Variants in KTN1 observed in about 807,000 individuals in gnomAD.
KTN1 encodes the protein kinectin 1.
A neutral mutation model predicts 222.5 loss-of-function variants in KTN1; 130 were observed. The observed-to-expected ratio is 0.58, with a 90% confidence interval of 0.51 to 0.68. The LOEUF is 0.68. Ranked by LOEUF, KTN1 falls within the 30% of genes least tolerant of loss-of-function variation. The probability of loss-of-function intolerance (pLI) is 0.00; values close to 1 mark genes in which losing one functional copy is unlikely to be tolerated. For missense variants in KTN1, 1,508 were observed against 1,500.4 expected, an observed-to-expected ratio of 1.01 and a Z score of -0.08; for synonymous variants, 512 against 496.3, an observed-to-expected ratio of 1.03 and a Z score of -0.42.
At chr14:55,598,740 G>A (rs2035487947) in intron 1 of KTN1, among the ~76,000 whole-genome samples, 1 of 152,174 alleles carries the variant, frequency 6.6e-6, no homozygotes, top group African/African-American at 2.4e-5. Flanking sequence ...TAAGTACTAT[G>A]TAAGTCTAAA....
chr14:55,599,505 C>T (rs1287336458), intron 1 of KTN1, among the ~76,000 whole-genome samples: 1 of 151,734 alleles, frequency 6.6e-6, no homozygotes, highest in African/African-American at 2.4e-5. Context: ...CGTTCTGTTG[C>T]CCAGGGCGGA....
At chr14:55,630,119 A>C in intron 7 of KTN1, 22 bp downstream of exon 7, 1 of 1,606,296 alleles carries the variant, frequency 6.2e-7, no homozygotes, top group Non-Finnish European at 8.5e-7. Context: ...TTCTTTGGAA[A>C]CAAGATGAAA....
intron 41 of KTN1, among the ~76,000 whole-genome samples, chr14:55,677,699 T>C (rs1479177287): frequency 6.6e-6 from 1 of 152,096 alleles, no homozygotes; most frequent in Non-Finnish European, 1.5e-5. Context: ...AACCCTTTAT[T>C]TTATTATATA....
intron 40 of KTN1, chr14:55,674,524 C>G (rs1176342901): frequency 1.3e-5 from 2 of 152,144 alleles, no homozygotes; most frequent in Non-Finnish European, 2.9e-5. Context: ...TGAACTCATT[C>G]ACCCTGCATT....
At chr14:55,669,849 G>T (rs2045286871) in intron 34 of KTN1, among the ~76,000 whole-genome samples, 1 of 151,962 alleles carries the variant, frequency 6.6e-6, no homozygotes, top group South Asian at 2.1e-4. Context: ...AGTTTCCAGA[G>T]AATCCTGATT....
At chr14:55,638,352 C>G (rs561992609) in intron 12 of KTN1, among the ~76,000 whole-genome samples, 1 of 151,914 alleles carries the variant, frequency 6.6e-6, no homozygotes, top group South Asian at 2.1e-4. Context: ...TTTGATGTGA[C>G]ATACATGTCT....
chr14:55,592,044 T>C (rs76918910), intron 1 of KTN1, among the ~76,000 whole-genome samples: 11,689 of 152,306 alleles, frequency 0.077, 500 homozygotes, highest in South Asian at 0.11. Context: ...GTTATAAATG[T>C]CTTCCTACTT....
intron 7 of KTN1, among the ~76,000 whole-genome samples, chr14:55,631,341 G>GATTTATATAT (rs1555371423): frequency 1.7e-5 from 2 of 114,718 alleles, no homozygotes; most frequent in Non-Finnish European, 3.5e-5. Context: ...TGATAAGGTT[G>GATTTATATAT]ATATATATAT....
In KTN1 at chr14:55,652,838, A is replaced by AT. The variant is rs760749972; in HGVS notation, c.2604-9dup. ...ACATTTTCATTTAGAGTTCTGATTA[A>AT]TTTATTATCAGATTAAAAGGAAAAG... On this transcript the variant is annotated splice_polypyrimidine_tract_variant and intron_variant, in intron 25 of 43. Coordinates refer to ENST00000395314, the MANE Select transcript of KTN1 (RefSeq NM_001079521.2). 1 of 1,528,592 alleles carries AT rather than the reference A, an allele frequency of 6.5e-7. No individual in the cohort carries two copies. Among genetic ancestry groups the AT allele is most frequent in the Non-Finnish European group, 8.9e-7 (1 of 1,120,524 alleles). 94.7% of individuals were successfully genotyped at this position (1,528,592 alleles called of 1,614,324 possible).
intron 5 of KTN1, among the ~76,000 whole-genome samples, chr14:55,626,308 C>T (rs1286549814): frequency 2.6e-5 from 4 of 152,026 alleles, no homozygotes; most frequent in Non-Finnish European, 4.4e-5. Flanking sequence ...GTGTTTACAG[C>T]GGCATGTGCT....
intron 28 of KTN1, among the ~76,000 whole-genome samples, chr14:55,654,275 T>C (rs902614820): frequency 2.0e-5 from 3 of 152,216 alleles, no homozygotes; most frequent in Admixed American, 6.5e-5. Context: ...TTTATTGATA[T>C]TTGTTTTAAA....
intron 34 of KTN1, 54 bp downstream of exon 34, chr14:55,667,384 G>C (rs2044914028): frequency 1.9e-6 from 2 of 1,051,472 alleles, no homozygotes; most frequent in African/African-American, 1.6e-5. Context: ...AGAAAGGTGT[G>C]AATAAGCAAC....
intron 11 of KTN1, among the ~76,000 whole-genome samples, 181 bp from the exon 12 acceptor site, chr14:55,637,598 T>G (rs1304518722): frequency 1.3e-5 from 2 of 151,638 alleles, no homozygotes; most frequent in African/African-American, 4.8e-5. Context: ...CTTTAACTTC[T>G]GTCTTATAAG....
At chr14:55,670,301 T>G (rs932960087) in intron 34 of KTN1, among the ~76,000 whole-genome samples, 4 of 152,078 alleles carry the variant, frequency 2.6e-5, no homozygotes, top group Non-Finnish European at 4.4e-5. Flanking sequence ...CACTTTCACT[T>G]TATGAACTCA....
In KTN1 at chr14:55,633,280, A is replaced by G; in HGVS notation, c.1267A>G (p.Lys423Glu). 1 of 1,599,176 alleles carries G rather than the reference A, an allele frequency of 6.3e-7. No individual in the cohort carries two copies. ...GATGGAGGCAGAGATAGCTCACTTG[A>G]AGCAGGAAAATGGTATACTGAGAGA... ...EQMEAEIAHLKQENGILRDAV... is the reference protein window; with the variant it reads ...EQMEAEIAHLEQENGILRDAV... The change falls in exon 8 of 44, where the codon AAG becomes GAG. Residue 423 changes from lysine (K) to glutamate (E), a missense_variant. Physicochemically the swap from Lys to Glu is moderately conservative, Grantham distance 56. Transcript: ENST00000395314.
intron 1 of KTN1, among the ~76,000 whole-genome samples, chr14:55,589,903 C>T (rs1403678189): frequency 1.3e-5 from 2 of 151,848 alleles, no homozygotes; most frequent in South Asian, 4.2e-4. Context: ...GTGATCTGCC[C>T]ACCTCAGCCT....
intron 1 of KTN1, among the ~76,000 whole-genome samples, chr14:55,589,169 T>G (rs1445700260): frequency 1.3e-5 from 2 of 152,240 alleles, no homozygotes; most frequent in African/African-American, 4.8e-5. Flanking sequence ...GCCGAATTTT[T>G]GTCTGCTCTT....
chr14:55,612,199 A>C lies in KTN1; in HGVS notation c.151A>C (p.Lys51Gln). The C allele has an allele frequency of 6.3e-7, 1 of 1,587,632 alleles. No homozygotes were observed. Among genetic ancestry groups the C allele is most frequent in the South Asian group, 1.2e-5 (1 of 84,900 alleles). The stretch of plus-strand genomic sequence containing the variant: ...AAGAGAACAAAAGCTTATTCCTACC[A>C]AAACAGATAAAAAGAAAGCAGAAAA... ...QKREQKLIPTKTDKKKAEKKK... is the reference protein window; with the variant it reads ...QKREQKLIPTQTDKKKAEKKK... Residue 51 changes from lysine (K) to glutamine (Q), a missense_variant, in exon 2 of 44, where the codon AAA becomes CAA. Coordinates refer to ENST00000395314, the MANE Select transcript of KTN1 (RefSeq NM_001079521.2).
chr14:55,680,596 A>G (rs751120775), intron 43 of KTN1: 1 of 639,920 alleles, frequency 1.6e-6, no homozygotes, highest in Non-Finnish European at 2.8e-6. Context: ...GTGTTGGGCT[A>G]TACAAGGCCT....
Sources: allele counts gnomAD v4.1 joint callset (sites outside exome capture counted in the v4.1 genomes callset), GRCh38; gene constraint gnomAD v4.1.1; transcripts MANE v1.5; gene names NCBI Gene and HGNC (gene_info 2026-07-23, HGNC 2026-07-21).